Variants in NALF1 observed in about 807,000 individuals in gnomAD.
NALF1 encodes the protein family with sequence similarity 155 member A.
In NALF1, 3 loss-of-function variants were observed where a neutral mutation model predicts 48.4. The ratio of observed to expected loss-of-function variants is 0.06; its 90% CI spans 0.03 to 0.16. The LOEUF is 0.16. Ranked by LOEUF, NALF1 falls within the 10% of genes least tolerant of loss-of-function variation. NALF1 has a pLI of 1.00. For synonymous variants in NALF1, 262 were observed against 245.7 expected, an observed-to-expected ratio of 1.07 and a Z score of -0.62; for missense variants, 526 against 571.5, an observed-to-expected ratio of 0.92 and a Z score of 0.81.
intron 2 of NALF1, among the ~76,000 whole-genome samples, chr13:107,171,389 A>G (rs944012113): frequency 6.6e-6 from 1 of 152,202 alleles, no homozygotes; most frequent in African/African-American, 2.4e-5. Flanking sequence ...TGCTTTCTAC[A>G]GAAGTCTGCC....
chr13:107,733,365 G>A (rs1167369915), intron 1 of NALF1, among the ~76,000 whole-genome samples: 1 of 152,156 alleles, frequency 6.6e-6, no homozygotes, highest in East Asian at 1.9e-4. Context: ...TATCAAGAGA[G>A]TAAATTCACA....
At chr13:107,237,277 G>T (rs1880372979) in intron 1 of NALF1, among the ~76,000 whole-genome samples, 1 of 151,038 alleles carries the variant, frequency 6.6e-6, no homozygotes, top group South Asian at 2.1e-4. Flanking sequence ...TCAATAGTTA[G>T]TTCTAAAACA....
chr13:107,839,155 T>C (rs972693054), intron 1 of NALF1, among the ~76,000 whole-genome samples: 3 of 151,966 alleles, frequency 2.0e-5, no homozygotes, highest in African/African-American at 7.3e-5. Flanking sequence ...GGGGCTGACA[T>C]TTAGTTGGCC....
chr13:107,496,008 T>C (rs1238497736), intron 1 of NALF1, among the ~76,000 whole-genome samples: 1 of 152,182 alleles, frequency 6.6e-6, no homozygotes, highest in Non-Finnish European at 1.5e-5. Context: ...AAATTACATA[T>C]ATTTTTGAAA....
At chr13:107,751,437 A>T (rs575311128) in intron 1 of NALF1, among the ~76,000 whole-genome samples, 7 of 152,360 alleles carry the variant, frequency 4.6e-5, no homozygotes, top group Admixed American at 3.9e-4. Context: ...TGTTCGGACC[A>T]AACACAAATA....
intron 1 of NALF1, among the ~76,000 whole-genome samples, chr13:107,712,810 C>T (rs1875644078): frequency 6.6e-6 from 1 of 152,190 alleles, no homozygotes; most frequent in Admixed American, 6.5e-5. Context: ...CAAATTGTTG[C>T]CTCATAACAG....
rs895878539 is a variant in NALF1, at chr13:107,163,555, T to C, written c.*6942A>G. ...CTTTTTAATATTTGTATTTTAATAATTTTAGAAGTTGAAATTTAAGATCCA... is the reference window on the plus strand; with the variant it reads ...CTTTTTAATATTTGTATTTTAATAACTTTAGAAGTTGAAATTTAAGATCCA... On this transcript the variant is annotated 3_prime_UTR_variant, in exon 3 of 3. Coordinates refer to ENST00000375915, the MANE Select transcript of NALF1 (RefSeq NM_001080396.3). 2 of 152,172 alleles carry C rather than the reference T, an allele frequency of 1.3e-5. No homozygotes were observed. The highest frequency in any genetic ancestry group is 1.3e-4 in the Admixed American group (2 of 15,280). The allele number at this position is 152,172 out of a possible 1,614,324, so 9.4% of individuals were successfully genotyped here. A position where few individuals can be genotyped will look rare whatever the true frequency, so the allele number is the denominator to read the frequency against.
At chr13:107,268,487 G>T (rs1460377602) in intron 1 of NALF1, among the ~76,000 whole-genome samples, 1 of 152,088 alleles carries the variant, frequency 6.6e-6, no homozygotes, top group Non-Finnish European at 1.5e-5. Flanking sequence ...ATGATTCTTG[G>T]ATTGTATCAC....
At chr13:107,824,241 G>GTTAA (rs1879444870) in intron 1 of NALF1, among the ~76,000 whole-genome samples, 1 of 151,990 alleles carries the variant, frequency 6.6e-6, no homozygotes, top group South Asian at 2.1e-4. Flanking sequence ...TTGTCTGATT[G>GTTAA]TTAATATAGG....
chr13:107,403,188 C>CTTTTTTTTT (rs10710356), intron 1 of NALF1, among the ~76,000 whole-genome samples: 12 of 42,490 alleles, frequency 2.8e-4, no homozygotes, highest in Non-Finnish European at 3.7e-4. Context: ...CTTGTTCGGG[C>CTTTTTTTTT]TTTTTTTTTT....
intron 1 of NALF1, among the ~76,000 whole-genome samples, chr13:107,776,245 G>T (rs1877726594): frequency 6.6e-6 from 1 of 152,160 alleles, no homozygotes; most frequent in African/African-American, 2.4e-5. Flanking sequence ...GACAGGCTAG[G>T]TTCTAGTCCT....
chr13:107,214,626 T>G (rs1006894027), intron 1 of NALF1, among the ~76,000 whole-genome samples: 3 of 152,042 alleles, frequency 2.0e-5, no homozygotes, highest in Non-Finnish European at 2.9e-5. Context: ...GAAAGGGTAT[T>G]TCAAATGGCC....
intron 1 of NALF1, among the ~76,000 whole-genome samples, chr13:107,719,059 AT>A (rs1407488354): frequency 5.9e-5 from 9 of 152,226 alleles, no homozygotes; most frequent in Admixed American, 5.9e-4. Flanking sequence ...AAATGAGATA[AT>A]TTACGTAGAG....
At chr13:107,603,671 G>A (rs1005983148) in intron 1 of NALF1, among the ~76,000 whole-genome samples, 6 of 152,166 alleles carry the variant, frequency 3.9e-5, no homozygotes, top group African/African-American at 7.2e-5. Flanking sequence ...AGAAGATAGT[G>A]AAGATTAAAA....
chr13:107,746,180 AT>A (rs1399048544), intron 1 of NALF1, among the ~76,000 whole-genome samples: 1 of 152,210 alleles, frequency 6.6e-6, no homozygotes, highest in Non-Finnish European at 1.5e-5. Flanking sequence ...AGATATAAAA[AT>A]ATCTTCTGTC....
intron 2 of NALF1, among the ~76,000 whole-genome samples, chr13:107,189,563 C>G (rs989636557): frequency 6.6e-6 from 1 of 152,136 alleles, no homozygotes; most frequent in African/African-American, 2.4e-5. Context: ...CTGCACCAAC[C>G]ATCCAAGCAA....
At chr13:107,192,485 T>C (rs1248086716) in intron 2 of NALF1, among the ~76,000 whole-genome samples, 1 of 152,192 alleles carries the variant, frequency 6.6e-6, no homozygotes, top group Non-Finnish European at 1.5e-5. Context: ...GTAATTGACA[T>C]TGTGGACTTC....
intron 1 of NALF1, among the ~76,000 whole-genome samples, chr13:107,782,337 T>A (rs1268054935): frequency 6.6e-6 from 1 of 152,156 alleles, no homozygotes; most frequent in Non-Finnish European, 1.5e-5. Context: ...TTGCAGACGG[T>A]GTCTGGTTCA....
chr13:107,504,529 A>G (rs1230894304), intron 1 of NALF1, among the ~76,000 whole-genome samples: 1 of 152,172 alleles, frequency 6.6e-6, no homozygotes. Flanking sequence ...CACATGATAA[A>G]CCACATATGT....
Sources: gnomAD v4.1 joint callset for allele counts (sites outside exome capture counted in the v4.1 genomes callset) on GRCh38, gnomAD v4.1.1 for gene constraint, MANE v1.5 for transcripts, NCBI Gene and HGNC (gene_info 2026-07-23, HGNC 2026-07-21) for gene names.